E2F3: variants seen among roughly 807,000 people sequenced by gnomAD.
E2F3 encodes E2F transcription factor 3, also known as transcription factor E2F3.
In E2F3, 11 loss-of-function variants were observed where a neutral mutation model predicts 44.4. That is an observed-to-expected ratio of 0.25 (90% CI 0.16 to 0.41). The LOEUF is 0.41. Among genes scored for constraint, E2F3 ranks in the 10% least tolerant of loss-of-function variants. The pLI is 1.00. For synonymous variants in E2F3, 249 were observed against 253.0 expected (o/e 0.98, Z 0.15); for missense variants, 487 against 583.6 (o/e 0.83, Z 1.70).
At chr6:20,484,629 G>A (rs1437670497) in intron 4 of E2F3, among the ~76,000 whole-genome samples, 1 of 152,134 alleles carries the variant, frequency 6.6e-6, no homozygotes, top group Non-Finnish European at 1.5e-5. Flanking sequence ...CCAGAATCCT[G>A]CAAGAGCAGC....
intron 1 of E2F3, among the ~76,000 whole-genome samples, chr6:20,452,991 T>TTTTG (rs138463851): frequency 7.2e-4 from 109 of 151,164 alleles, no homozygotes; most frequent in African/African-American, 2.1e-3. Context: ...GTTTCTTTCT[T>TTTTG]TTTGTTTGTT....
Position 20,491,071 on chromosome 6 carries a change from T to C in E2F3, c.*641T>C. 4.3e-6 allele frequency: 1 copy of C among 230,068 alleles called. No individual in the cohort carries two copies. The highest frequency in any genetic ancestry group is 8.6e-6 in the Non-Finnish European group (1 of 115,722). The allele number at this position is 230,068 out of a possible 1,614,324, so 14.3% of individuals were successfully genotyped here. On this transcript the variant is annotated 3_prime_UTR_variant, in exon 7 of 7. Transcript: ENST00000346618. ...TCTGGATGAAGAACCTGTTTTCAAATATACTTGTTGCAGATACAGAAGACT... is the reference window on the plus strand; with the variant it reads ...TCTGGATGAAGAACCTGTTTTCAAACATACTTGTTGCAGATACAGAAGACT...
At chr6:20,483,043 G>A in intron 4 of E2F3, 123 bp downstream of exon 4, 5 of 1,420,042 alleles carry the variant, frequency 3.5e-6, no homozygotes, top group Admixed American at 1.9e-5. Flanking sequence ...GTACCTGTGT[G>A]CCTGTGTGTG....
In E2F3 at chr6:20,491,540, G is replaced by A. The variant is rs913802483; in HGVS notation, c.*1110G>A. 2.8e-5 allele frequency: 6 copies of A among 214,594 alleles called. No homozygotes were observed. Among genetic ancestry groups the A allele is most frequent in the Non-Finnish European group, 5.7e-5 (6 of 105,922 alleles). 13.3% of individuals were successfully genotyped at this position (214,594 alleles called of 1,614,324 possible). On this transcript the variant is annotated 3_prime_UTR_variant, in exon 7 of 7. Transcript: ENST00000346618. ...TCAGATGATGTAACAGCCCCAAGGA[G>A]CAGCAGGCATGGGTCCCTCCATCCT...
chr6:20,486,979 G>A (rs1350829503), intron 5 of E2F3, among the ~76,000 whole-genome samples, 176 bp downstream of exon 5: 1 of 152,144 alleles, frequency 6.6e-6, no homozygotes, highest in Non-Finnish European at 1.5e-5. Context: ...TGTTCATTGA[G>A]TATTCAAACA....
chr6:20,445,246 C>CT, intron 1 of E2F3: 5 of 757,682 alleles, frequency 6.6e-6, no homozygotes. Flanking sequence ...ATATTTTCTC[C>CT]CTTTTTTTTT....
intron 2 of E2F3, chr6:20,480,160 G>A (rs1762174563): frequency 5.6e-6 from 4 of 716,318 alleles, no homozygotes; most frequent in Non-Finnish European, 6.8e-6. Context: ...GGTACCATAA[G>A]GGAAGACTTC....
rs1404046113 is a variant in E2F3 at position 20,402,472 on chromosome 6, C to T, written c.240C>T (p.Ala80=). Residue 80 remains alanine (A), a synonymous_variant, in exon 1 of 7, where the codon GCC becomes GCT. Coordinates refer to ENST00000346618, the MANE Select transcript of E2F3 (RefSeq NM_001949.5). This position sits in a 1 kb window ranked among gnomAD's most constrained non-coding sequence, Gnocchi z 5.6. ...CSSSLQSGAV[A]AGPLLPSAPG... ...CCTCCCTCCAAAGCGGCGCCGTAGC[C>T]GCCGGCCCCCTCCTCCCCAGTGCCC... 2.5e-6 allele frequency: 4 copies of T among 1,609,530 alleles called. No individual in the cohort carries two copies. The highest frequency in any genetic ancestry group is 3.4e-6 in the Non-Finnish European group (4 of 1,179,366).
Position 20,402,598 on chromosome 6 carries a change from C to T in E2F3, c.366C>T (p.Gly122=). 2 of 1,352,364 alleles carry T rather than the reference C, an allele frequency of 1.5e-6. No homozygotes were observed. The highest frequency in any genetic ancestry group is 1.9e-6 in the Non-Finnish European group (2 of 1,060,924). 83.8% of individuals were successfully genotyped at this position (1,352,364 alleles called of 1,614,324 possible). The change falls in exon 1 of 7, where the codon GGC becomes GGT. Residue 122 remains glycine (G), a synonymous_variant. Coordinates refer to ENST00000346618, the MANE Select transcript of E2F3 (RefSeq NM_001949.5). The surrounding 1 kb of genome is among the most constrained non-coding windows in gnomAD (Gnocchi z 5.6). ...LLQQPPALGR[G]GSGGGGGPPA... is the part of the protein sequence containing the mutation. ...AGCAGCCACCAGCGCTGGGACGCGGCGGCAGCGGCGGCGGCGGCGGCCCTC... is the reference window on the plus strand; with the variant it reads ...AGCAGCCACCAGCGCTGGGACGCGGTGGCAGCGGCGGCGGCGGCGGCCCTC...
intron 1 of E2F3, among the ~76,000 whole-genome samples, chr6:20,447,439 A>G (rs1479812257): frequency 1.4e-5 from 2 of 142,648 alleles, no homozygotes; most frequent in Non-Finnish European, 3.0e-5. Flanking sequence ...ATAGGAATGT[A>G]GTCCTAACCC....
At position 20,490,418 on chromosome 6, in the gene E2F3, C is replaced by G. The variant is rs1449611263; in HGVS notation, c.1386C>G (p.Phe462Leu). 6.3e-7 allele frequency: 1 copy of G among 1,581,522 alleles called. No individual in the cohort carries two copies. Among genetic ancestry groups the G allele is most frequent in the East Asian group, 2.2e-5 (1 of 44,584 alleles). Residue 462 changes from phenylalanine (F) to leucine (L), a missense_variant, in exon 7 of 7, where the codon TTC becomes TTG. Around this residue, in one of 3 missense-constraint regions of E2F3, gnomAD observed 220 missense variants for 261.7 expected, o/e 0.84. Transcript: ENST00000346618. This position sits in a 1 kb window ranked among gnomAD's most constrained non-coding sequence, Gnocchi z 4.3. ...AAAAGCTCCCACTGGTGGAAGACTT[C>G]ATGTGTAGTTGATTATGCTTCGTGT... ...DLEKLPLVED[F>L]MCS
intron 1 of E2F3, among the ~76,000 whole-genome samples, chr6:20,463,770 A>G (rs1206671814): frequency 6.6e-6 from 1 of 152,210 alleles, no homozygotes; most frequent in Non-Finnish European, 1.5e-5. Flanking sequence ...GGTGTCCCCC[A>G]GTTCAATTCT....
intron 1 of E2F3, among the ~76,000 whole-genome samples, chr6:20,462,860 T>TCTCTC (rs201535096): frequency 0.011 from 24 of 2,108 alleles, no homozygotes; most frequent in South Asian, 0.032. Flanking sequence ...TCTCTCTCTC[T>TCTCTC]TTTTTTTTTT....
chr6:20,417,145 C>G (rs1315127769), intron 1 of E2F3, among the ~76,000 whole-genome samples: 1 of 152,178 alleles, frequency 6.6e-6, no homozygotes, highest in African/African-American at 2.4e-5. Flanking sequence ...AAATTGCCAA[C>G]TGGATGGACA....
intron 1 of E2F3, among the ~76,000 whole-genome samples, chr6:20,413,968 G>C (rs1759759018): frequency 6.6e-6 from 1 of 152,184 alleles, no homozygotes; most frequent in African/African-American, 2.4e-5. Context: ...TCCTCTGTCT[G>C]GGGTGTGCAC....
chr6:20,458,452 C>T (rs1761387679), intron 1 of E2F3, among the ~76,000 whole-genome samples: 2 of 152,212 alleles, frequency 1.3e-5, no homozygotes, highest in South Asian at 2.1e-4. Context: ...CCTCTCTGCA[C>T]CTCCCTCCCA....
chr6:20,481,856 G>A (rs530638934), intron 3 of E2F3, among the ~76,000 whole-genome samples: 1 of 152,218 alleles, frequency 6.6e-6, no homozygotes, highest in Admixed American at 6.5e-5. Flanking sequence ...CATAGTTACA[G>A]AATATCTTTA....
In E2F3 at chr6:20,402,626, G is replaced by T. The variant is rs1452522587; in HGVS notation, c.393+1G>T. 3.7e-6 allele frequency: 5 copies of T among 1,333,920 alleles called. No individual in the cohort carries two copies. The highest frequency in any genetic ancestry group is 4.8e-6 in the Non-Finnish European group (5 of 1,050,748). 82.6% of individuals were successfully genotyped at this position (1,333,920 alleles called of 1,614,324 possible). A position where few individuals can be genotyped will look rare whatever the true frequency, so the allele number is the denominator to read the frequency against. On this transcript the variant is annotated splice_donor_variant, in intron 1 of 6. Coordinates refer to ENST00000346618, the MANE Select transcript of E2F3 (RefSeq NM_001949.5). LOFTEE classifies it high-confidence loss of function. The surrounding 1 kb of genome is among the most constrained non-coding windows in gnomAD (Gnocchi z 5.6). ...CAGCGGCGGCGGCGGCGGCCCTCCG[G>T]TAATACCCTCCCTCCCCACCGTCCC...
At chr6:20,435,676 G>A (rs1403229313) in intron 1 of E2F3, among the ~76,000 whole-genome samples, 2 of 152,082 alleles carry the variant, frequency 1.3e-5, no homozygotes, top group East Asian at 1.9e-4. Flanking sequence ...GCTTGAATTC[G>A]GGAGGTGGAG....
Sources: allele counts gnomAD v4.1 joint callset (sites outside exome capture counted in the v4.1 genomes callset), GRCh38; gene constraint gnomAD v4.1.1; regional missense constraint gnomAD v4.1.1; non-coding constraint Gnocchi (gnomAD v3.1); transcripts MANE v1.5; gene names NCBI Gene and HGNC (gene_info 2026-07-23, HGNC 2026-07-21).